The following PTPRT variants were observed in gnomAD, a reference collection of about 807,000 sequenced individuals.
PTPRT encodes protein tyrosine phosphatase receptor type T.
Under a neutral mutation model 176.8 loss-of-function variants are expected in PTPRT, and 56 were observed. The observed-to-expected ratio is 0.32, with a 90% CI of 0.26 to 0.40. PTPRT has a LOEUF of 0.40. Among genes scored for constraint, PTPRT ranks in the 10% least tolerant of loss-of-function variants. The probability of loss-of-function intolerance (pLI) is 1.00; values close to 1 mark genes in which losing one functional copy is unlikely to be tolerated. For missense variants in PTPRT, 1,540 were observed against 1,908.2 expected, an observed-to-expected ratio of 0.81 and a Z score of 3.60; for synonymous variants, 783 against 739.0, an observed-to-expected ratio of 1.06 and a Z score of -0.96.
chr20:42,159,195 C>T (rs6093581), intron 17 of PTPRT, among the ~76,000 whole-genome samples: 22,024 of 146,418 alleles, frequency 0.15, 4,235 homozygotes, highest in African/African-American at 0.46. Flanking sequence ...TATACCATTT[C>T]CTTTCTTTCT....
chr20:43,149,467 C>T (rs1381206245), intron 1 of PTPRT, among the ~76,000 whole-genome samples: 2 of 152,048 alleles, frequency 1.3e-5, no homozygotes, highest in South Asian at 4.1e-4. Flanking sequence ...TTTGAGAAGG[C>T]CTGGGATAGG....
At chr20:42,099,219 C>CTT (rs10690128) in intron 26 of PTPRT, among the ~76,000 whole-genome samples, 3,251 of 151,404 alleles carry the variant, frequency 0.021, 118 homozygotes, top group African/African-American at 0.074. Flanking sequence ...TTGTAGAGTG[C>CTT]TTTTTTTTTG....
At chr20:42,824,170 A>G (rs1280861900) in intron 2 of PTPRT, among the ~76,000 whole-genome samples, 2 of 152,124 alleles carry the variant, frequency 1.3e-5, no homozygotes. Flanking sequence ...AAGACTCAAT[A>G]AAGTCAAGAT....
chr20:42,114,016 G>A (rs1457479374), intron 22 of PTPRT, among the ~76,000 whole-genome samples: 1 of 152,244 alleles, frequency 6.6e-6, no homozygotes, highest in Non-Finnish European at 1.5e-5. Context: ...CTAGTCTGCA[G>A]AGCAGCCTGC....
intron 12 of PTPRT, among the ~76,000 whole-genome samples, chr20:42,291,951 G>A (rs1183167615): frequency 1.3e-5 from 2 of 152,036 alleles, no homozygotes; most frequent in African/African-American, 2.4e-5. Context: ...ATAGACTTAC[G>A]GTGCAAGAGA....
chr20:42,972,529 G>A (rs547729305), intron 1 of PTPRT, among the ~76,000 whole-genome samples: 2 of 151,862 alleles, frequency 1.3e-5, no homozygotes, highest in Non-Finnish European at 2.9e-5. Context: ...GCTTGTGATG[G>A]TGCACACCTG....
chr20:43,113,219 C>T (rs949234481), intron 1 of PTPRT, among the ~76,000 whole-genome samples: 1 of 152,210 alleles, frequency 6.6e-6, no homozygotes, highest in African/African-American at 2.4e-5. Flanking sequence ...TCTAACAACT[C>T]ATCCATGATG....
chr20:42,841,564 T>A (rs567821158), intron 2 of PTPRT, among the ~76,000 whole-genome samples: 1 of 151,648 alleles, frequency 6.6e-6, no homozygotes, highest in Non-Finnish European at 1.5e-5. Context: ...GATAGCTTCA[T>A]AACAGTTTGC....
At chr20:43,113,850 C>T (rs2012956792) in intron 1 of PTPRT, among the ~76,000 whole-genome samples, 1 of 152,180 alleles carries the variant, frequency 6.6e-6, no homozygotes. Context: ...TAAGAAACAA[C>T]AGGCAGTGAG....
At chr20:42,440,894 G>A (rs2059310364) in intron 9 of PTPRT, among the ~76,000 whole-genome samples, 1 of 152,198 alleles carries the variant, frequency 6.6e-6, no homozygotes, top group Non-Finnish European at 1.5e-5. Context: ...GGAGAGCTCA[G>A]TCTTCTGATC....
At chr20:43,085,602 A>T (rs1212366798) in intron 1 of PTPRT, among the ~76,000 whole-genome samples, 1 of 152,190 alleles carries the variant, frequency 6.6e-6, no homozygotes, top group Non-Finnish European at 1.5e-5. Flanking sequence ...AGGAGCAGTC[A>T]CATCTTACAT....
At chr20:43,013,842 G>C (rs563360942) in intron 1 of PTPRT, among the ~76,000 whole-genome samples, 2 of 152,330 alleles carry the variant, frequency 1.3e-5, no homozygotes, top group South Asian at 2.1e-4. Flanking sequence ...AACTGGGTTT[G>C]AGTCTTCAAT....
intron 9 of PTPRT, among the ~76,000 whole-genome samples, chr20:42,414,079 G>A (rs1188219684): frequency 2.6e-5 from 4 of 152,074 alleles, no homozygotes; most frequent in African/African-American, 4.8e-5. Flanking sequence ...TGATCAGCCC[G>A]CCTCCGCTTC....
At chr20:42,515,148 G>A (rs116667028) in intron 7 of PTPRT, among the ~76,000 whole-genome samples, 2 of 152,080 alleles carry the variant, frequency 1.3e-5, no homozygotes, top group Non-Finnish European at 2.9e-5. Context: ...TTTAGGTCAC[G>A]TTTAAAACTT....
At chr20:42,726,061 TTA>T (rs1290312152) in intron 6 of PTPRT, among the ~76,000 whole-genome samples, 3 of 66,720 alleles carry the variant, frequency 4.5e-5, no homozygotes, top group East Asian at 5.6e-4. Context: ...GGCATCTTTA[TTA>T]TTATTATTAT....
intron 27 of PTPRT, among the ~76,000 whole-genome samples, chr20:42,095,663 C>T (rs1179665519): frequency 6.6e-6 from 1 of 152,216 alleles, no homozygotes; most frequent in Non-Finnish European, 1.5e-5. Flanking sequence ...TGTCAGCCTT[C>T]TAACTTATAA....
At chr20:42,364,547 C>G (rs893594086) in intron 9 of PTPRT, among the ~76,000 whole-genome samples, 1 of 151,898 alleles carries the variant, frequency 6.6e-6, no homozygotes, top group Admixed American at 6.6e-5. Flanking sequence ...TTGGTTAAAA[C>G]GATCATTTAT....
chr20:42,306,889 C>T (rs1191040274), intron 12 of PTPRT, among the ~76,000 whole-genome samples: 1 of 152,116 alleles, frequency 6.6e-6, no homozygotes, highest in African/African-American at 2.4e-5. Context: ...TCTAGGTGTT[C>T]GTCCATCTAC....
intron 1 of PTPRT, among the ~76,000 whole-genome samples, chr20:43,128,363 G>A (rs938863886): frequency 2.6e-5 from 4 of 152,200 alleles, no homozygotes; most frequent in African/African-American, 9.7e-5. Flanking sequence ...TCTTGTCTTG[G>A]ACCAATTGCT....
Sources: gnomAD v4.1 joint callset for allele counts (sites outside exome capture counted in the v4.1 genomes callset) on GRCh38, gnomAD v4.1.1 for gene constraint, MANE v1.5 for transcripts, NCBI Gene and HGNC (gene_info 2026-07-23, HGNC 2026-07-21) for gene names.